The following MYO5C variants were observed in gnomAD, a reference collection of about 807,000 sequenced individuals.
MYO5C encodes the protein unconventional myosin-Vc.
A neutral mutation model predicts 235.7 loss-of-function variants in MYO5C; 194 were observed. The ratio of observed to expected loss-of-function variants is 0.82; its 90% CI spans 0.73 to 0.93. The LOEUF (loss-of-function observed/expected upper bound fraction) is 0.93. Among genes scored for constraint, MYO5C ranks in the 40% least tolerant of loss-of-function variants. The pLI, the probability that MYO5C is intolerant of heterozygous loss-of-function variation, is 0.00. For synonymous variants in MYO5C, 707 were observed against 754.8 expected, an observed-to-expected ratio of 0.94 and a Z score of 1.04; for missense variants, 2,038 against 2,127.2, an observed-to-expected ratio of 0.96 and a Z score of 0.82.
intron 11 of MYO5C, 58 bp downstream of exon 11, chr15:52,256,581 A>ACGCGCG (rs1258268271): frequency 5.5e-6 from 5 of 914,846 alleles, no homozygotes; most frequent in South Asian, 4.2e-5. Flanking sequence ...ACACACACAC[A>ACGCGCG]CACACACGCG....
At chr15:52,198,243 G>A (rs570848133) in intron 38 of MYO5C, among the ~76,000 whole-genome samples, 7 of 152,240 alleles carry the variant, frequency 4.6e-5, no homozygotes, top group Admixed American at 4.6e-4. Flanking sequence ...GCTGAGACAG[G>A]AGAATCACTT....
At chr15:52,272,238 A>G (rs2036939799) in intron 6 of MYO5C, among the ~76,000 whole-genome samples, 1 of 152,216 alleles carries the variant, frequency 6.6e-6, no homozygotes, top group Admixed American at 6.5e-5. Context: ...CTCTGATCCC[A>G]TTCCCTTCCT....
intron 1 of MYO5C, among the ~76,000 whole-genome samples, chr15:52,286,755 G>C (rs370216859): frequency 1.3e-5 from 2 of 151,850 alleles, no homozygotes; most frequent in South Asian, 4.1e-4. Context: ...TGCTCGTTGA[G>C]AGTCATCACC....
chr15:52,247,434 C>G lies in MYO5C; in HGVS notation c.1881+24G>C. 4 of 1,612,396 alleles carry G rather than the reference C, an allele frequency of 2.5e-6. No homozygotes were observed. The South Asian group carries it at 3.3e-5, about 13-fold the overall frequency. The stretch of plus-strand genomic sequence containing the variant: ...GGCCTGGCCCTGCCTTTAGACCCCT[C>G]ACTCTCAAACACCTTCTCAGTACCT... On this transcript the variant is annotated intron_variant, in intron 15 of 40. Transcript: ENST00000261839.
chr15:52,259,162 T>C (rs1183931272), intron 10 of MYO5C, among the ~76,000 whole-genome samples: 1 of 152,182 alleles, frequency 6.6e-6, no homozygotes, highest in African/African-American at 2.4e-5. Flanking sequence ...GGCTCACGCC[T>C]GTAATCCCAG....
At chr15:52,251,255 G>T in intron 13 of MYO5C, 135 bp downstream of exon 13, 1 of 798,302 alleles carries the variant, frequency 1.3e-6, no homozygotes, top group Non-Finnish European at 1.8e-6. Context: ...ATAAGGAACT[G>T]TTAAACACAC....
chr15:52,217,117 A>G (rs2035572685), intron 32 of MYO5C, among the ~76,000 whole-genome samples: 1 of 152,214 alleles, frequency 6.6e-6, no homozygotes, highest in South Asian at 2.1e-4. Flanking sequence ...AAACTAATAC[A>G]GATCAGGTCT....
chr15:52,291,916 T>G (rs1472892878), intron 1 of MYO5C, among the ~76,000 whole-genome samples: 3 of 151,746 alleles, frequency 2.0e-5, no homozygotes, highest in Admixed American at 6.6e-5. Flanking sequence ...TTTTTTTGTA[T>G]TTTTAGTAGA....
chr15:52,224,925 T>A lies in MYO5C; in HGVS notation c.3422A>T (p.Tyr1141Phe), dbSNP rs201371444. Residue 1141 changes from tyrosine to phenylalanine, a missense_variant, in exon 28 of 41, where the codon TAT (tyrosine) becomes TTT (phenylalanine). Tyr to Phe is a conservative substitution (Grantham distance 22). Transcript: ENST00000261839. ...LNEDGELWFA[Y>F]EGLKKATRVL... Reference sequence around the variant, plus strand: ...CCGTGTTGCTTTCTTTAGTCCTTCATAAGCAAACCAAAGTTCTCCATCCTC... The same window carrying A: ...CCGTGTTGCTTTCTTTAGTCCTTCAAAAGCAAACCAAAGTTCTCCATCCTC... 5 of 1,613,990 alleles carry A rather than the reference T, an allele frequency of 3.1e-6. No homozygotes were observed. The Admixed American group carries it at 6.7e-5, about 22-fold the overall frequency.
At position 52,225,533 on chromosome 15, in the gene MYO5C, C is replaced by T. The variant is rs199531801; in HGVS notation, c.3208-1G>A. On this transcript the variant is annotated splice_acceptor_variant, in intron 25 of 40. Transcript: ENST00000261839. LOFTEE classifies it high-confidence loss of function. ...TCTCTTTTTCGAACTCAGAGATTGT[C>T]TGAATCACAGCAATGACGGAATCAG... 16 of 1,605,464 alleles carry T rather than the reference C, an allele frequency of 1.0e-5. No homozygotes were observed. Among genetic ancestry groups the T allele is most frequent in the African/African-American group, 1.3e-5 (1 of 74,952 alleles).
intron 38 of MYO5C, among the ~76,000 whole-genome samples, chr15:52,200,191 T>C (rs1453469888): frequency 1.3e-5 from 2 of 151,942 alleles, no homozygotes; most frequent in Admixed American, 6.6e-5. Context: ...CCACAAAGCA[T>C]AGAGGGTGGT....
chr15:52,230,990 G>C (rs2035939987), intron 24 of MYO5C, among the ~76,000 whole-genome samples: 1 of 151,746 alleles, frequency 6.6e-6, no homozygotes. Flanking sequence ...ACCACGCCCA[G>C]CCAATTTTTG....
Position 52,260,894 on chromosome 15 carries a change from C to T in MYO5C, c.1281G>A (p.Gln427=), listed in dbSNP as rs372026654. Residue 427 remains glutamine (Q), a synonymous_variant, in exon 10 of 41, where the codon CAG becomes CAA. Transcript: ENST00000261839. ...TGTCCAAAACACCAATAAAAGTGTG[C>T]TGCTTGCCTGAAAACTGCAACGCTT... is the stretch of plus-strand genomic sequence containing the variant. ...INQALQFSGK[Q]HTFIGVLDIY... The T allele has an allele frequency of 3.4e-4, 549 of 1,614,066 alleles. No individual in the cohort carries two copies. The highest frequency in any genetic ancestry group is 4.2e-4 in the Non-Finnish European group (499 of 1,180,038).
In MYO5C at chr15:52,239,668, G is replaced by A. The variant is rs1372319121; in HGVS notation, c.2703+65C>T. The A allele has an allele frequency of 2.7e-6, 4 of 1,508,508 alleles. No homozygotes were observed. In the East Asian group the frequency reaches 6.8e-5, roughly 26 times the overall value. The allele number at this position is 1,508,508 out of a possible 1,614,324, so 93.4% of individuals were successfully genotyped here. A position where few individuals can be genotyped will look rare whatever the true frequency, so the allele number is the denominator to read the frequency against. ...ATTTTAATAGCACAGCTAAGGAACT[G>A]CTCCAGAACAAACTACAGCCATGTA... On this transcript the variant is annotated intron_variant, in intron 21 of 40. Transcript: ENST00000261839.
At chr15:52,248,906 G>T (rs1596190693) in intron 13 of MYO5C, 123 bp from the exon 14 acceptor site, 1 of 675,160 alleles carries the variant, frequency 1.5e-6, no homozygotes, top group East Asian at 2.7e-5. Context: ...CTTACAAAAA[G>T]ACGTCTGGCT....
chr15:52,272,556 G>C, intron 6 of MYO5C, 24 bp downstream of exon 6: 1 of 1,609,654 alleles, frequency 6.2e-7, no homozygotes, highest in Non-Finnish European at 8.5e-7. Flanking sequence ...CAAAAAGTTG[G>C]GGAAAAGGAA....
intron 34 of MYO5C, 71 bp downstream of exon 34, chr15:52,213,117 G>C: frequency 8.6e-7 from 1 of 1,164,500 alleles, no homozygotes. Context: ...CCCCTGCCCA[G>C]GACTTTGGCA....
chr15:52,246,809 A>G, intron 16 of MYO5C, 108 bp downstream of exon 16: 4 of 853,540 alleles, frequency 4.7e-6, no homozygotes, highest in Non-Finnish European at 7.4e-6. Context: ...TCATTAAAAA[A>G]AAACCCAGAA....
intron 25 of MYO5C, among the ~76,000 whole-genome samples, chr15:52,226,580 T>C (rs963018286): frequency 6.6e-6 from 1 of 152,228 alleles, no homozygotes; most frequent in Non-Finnish European, 1.5e-5. Context: ...CTGAGCACTT[T>C]ACCTAGAAGA....
Sources: gnomAD v4.1 joint callset for allele counts (sites outside exome capture counted in the v4.1 genomes callset) on GRCh38, gnomAD v4.1.1 for gene constraint, MANE v1.5 for transcripts, NCBI Gene and HGNC (gene_info 2026-07-23, HGNC 2026-07-21) for gene names.